CPA5: variants seen among roughly 807,000 people sequenced by gnomAD.
CPA5 encodes the protein testicular tissue protein Li 32.
A neutral mutation model predicts 52.2 loss-of-function variants in CPA5; 38 were observed. The observed-to-expected ratio is 0.73, with a 90% CI of 0.56 to 0.95. The LOEUF is 0.95. Ranked by LOEUF, CPA5 falls within the 40% of genes least tolerant of loss-of-function variation. CPA5 has a pLI of 0.00. For missense variants in CPA5, 519 were observed against 566.7 expected, an observed-to-expected ratio of 0.92 and a Z score of 0.86; for synonymous variants, 198 against 213.7, an observed-to-expected ratio of 0.93 and a Z score of 0.64.
chr7:130,357,052 G>A (rs922918205), intron 5 of CPA5, among the ~76,000 whole-genome samples: 1 of 152,164 alleles, frequency 6.6e-6, no homozygotes, highest in Admixed American at 6.5e-5. Context: ...GGGCTCCTCC[G>A]GCCACATCTA....
intron 5 of CPA5, among the ~76,000 whole-genome samples, chr7:130,356,482 C>A (rs187607466): frequency 2.6e-5 from 4 of 152,346 alleles, no homozygotes; most frequent in South Asian, 4.1e-4. Flanking sequence ...CGTCACCCAT[C>A]CCCTTCCCCC....
At chr7:130,357,963 T>C (rs1052354088) in intron 5 of CPA5, among the ~76,000 whole-genome samples, 36 of 104,244 alleles carry the variant, frequency 3.5e-4, no homozygotes, top group African/African-American at 1.5e-3. Flanking sequence ...TGTGTGTGTG[T>C]GTGTGTGTGT....
intron 1 of CPA5, chr7:130,345,569 T>C (rs1794683666): frequency 6.6e-6 from 1 of 152,288 alleles, no homozygotes; most frequent in South Asian, 2.1e-4. Flanking sequence ...TTGACTCTGC[T>C]GTCTGTTGAG....
downstream of CPA5, among the ~76,000 whole-genome samples, chr7:130,369,739 C>G (rs1409709787): frequency 2.0e-5 from 3 of 151,916 alleles, no homozygotes; most frequent in Non-Finnish European, 4.4e-5. Flanking sequence ...CTGGAGGGCA[C>G]GGAGACAGGG....
intron 4 of CPA5, 51 bp from the exon 5 acceptor site, chr7:130,349,924 T>C (rs782797258): frequency 1.9e-6 from 3 of 1,577,100 alleles, no homozygotes; most frequent in East Asian, 2.3e-5. Flanking sequence ...TACAGGATTG[T>C]GTGGAAGGAC....
chr7:130,345,643 A>T (rs1554401949), intron 1 of CPA5, 196 bp from the exon 2 acceptor site: 1 of 152,250 alleles, frequency 6.6e-6, no homozygotes, highest in African/African-American at 2.4e-5. Context: ...GTGCTAGCAC[A>T]ATGATGACCA....
At position 130,359,625 on chromosome 7, in the gene CPA5, TC is replaced by T. The variant is rs782665768; in HGVS notation, c.373del (p.Arg125AlafsTer29). On this transcript the variant is annotated frameshift_variant, in exon 6 of 13. Coordinates refer to ENST00000474905, the MANE Select transcript of CPA5 (RefSeq NM_080385.5). LOFTEE classifies it high-confidence loss of function. Reference sequence around the variant, plus strand: ...TGAGGAAAGACAGGCCATGGCGAAATCCCGCCGGCTGGAGCGCAGCACCAAC... The same window carrying T: ...TGAGGAAAGACAGGCCATGGCGAAATCCGCCGGCTGGAGCGCAGCACCAAC... Reference protein sequence around the residue: ...LDEERQAMAKSRRLERSTNSF... With the variant: ...LDEERQAMAKXRRLERSTNSF... 5 of 1,578,718 alleles carry T rather than the reference TC, an allele frequency of 3.2e-6. No individual in the cohort carries two copies. The highest frequency in any genetic ancestry group is 4.3e-6 in the Non-Finnish European group (5 of 1,162,008).
At chr7:130,346,229 G>A (rs1794727698) in intron 2 of CPA5, among the ~76,000 whole-genome samples, 164 bp from the exon 3 acceptor site, 1 of 142,864 alleles carries the variant, frequency 7.0e-6, no homozygotes. Context: ...CAAACCTCCT[G>A]AGAGAAAAGA....
At chr7:130,360,399 T>C (rs1554406296) in intron 6 of CPA5, among the ~76,000 whole-genome samples, 1 of 152,230 alleles carries the variant, frequency 6.6e-6, no homozygotes, top group African/African-American at 2.4e-5. Context: ...AGAAAGTTCA[T>C]GACCACAGTT....
rs782052904 is a variant in CPA5 at position 130,359,699 on chromosome 7, C to A, written c.432+12C>A. On this transcript the variant is annotated intron_variant, in intron 6 of 12. Transcript: ENST00000474905. ...ACACCCTGGAGGAGGTAGGTCTGGC[C>A]GGGCAAGCTCTGGGCTCTCTTGTGT... is the stretch of plus-strand genomic sequence containing the variant. 1 of 1,561,596 alleles carries A rather than the reference C, an allele frequency of 6.4e-7. No individual in the cohort carries two copies. Among genetic ancestry groups the A allele is most frequent in the East Asian group, 2.3e-5 (1 of 43,092 alleles).
At chr7:130,362,366 C>G in intron 7 of CPA5, 72 bp from the exon 8 acceptor site, 1 of 1,130,084 alleles carries the variant, frequency 8.8e-7, no homozygotes, top group South Asian at 1.4e-5. Flanking sequence ...TCAGGGACCT[C>G]CTTCCAGGTA....
At chr7:130,361,328 C>A in intron 7 of CPA5, 84 bp downstream of exon 7, 1 of 981,176 alleles carries the variant, frequency 1.0e-6, no homozygotes, top group Non-Finnish European at 1.6e-6. Context: ...AGTGGCTGGG[C>A]GGGAGTTTTG....
intron 11 of CPA5, 139 bp from the exon 12 acceptor site, chr7:130,367,767 T>C: frequency 1.2e-6 from 1 of 856,568 alleles, no homozygotes; most frequent in Non-Finnish European, 1.9e-6. Context: ...AATGCTGTGC[T>C]CCCTTCTCAC....
intron 5 of CPA5, among the ~76,000 whole-genome samples, chr7:130,353,452 G>A (rs781921264): frequency 3.9e-4 from 59 of 152,098 alleles, no homozygotes; most frequent in Non-Finnish European, 7.4e-4. Flanking sequence ...GGATCCAACC[G>A]CCTACTCAGT....
chr7:130,368,105 A>T, intron 12 of CPA5, 115 bp downstream of exon 12: 1 of 973,412 alleles, frequency 1.0e-6, no homozygotes, highest in Non-Finnish European at 1.6e-6. Flanking sequence ...CACTGGATAG[A>T]AGGGTGAACA....
chr7:130,367,661 C>G, intron 11 of CPA5, 90 bp downstream of exon 11: 3 of 1,304,034 alleles, frequency 2.3e-6, no homozygotes, highest in Non-Finnish European at 3.3e-6. Flanking sequence ...CAGGTTGTTA[C>G]TCTGAATGCA....
At chr7:130,361,316 G>T in intron 7 of CPA5, 72 bp downstream of exon 7, 1 of 1,068,472 alleles carries the variant, frequency 9.4e-7, no homozygotes. Context: ...CTCATATGGG[G>T]TAGTGGCTGG....
rs1554409370 is a variant in CPA5 at position 130,368,579 on chromosome 7, C to G, written c.1293C>G (p.Thr431=). 1.2e-6 allele frequency: 2 copies of G among 1,613,918 alleles called. No homozygotes were observed. Among genetic ancestry groups the G allele is most frequent in the African/African-American group, 1.3e-5 (1 of 74,854 alleles). ...WMALRTIMEH[T]LNHPY ...CGCTTCGGACCATCATGGAGCACAC[C>G]CTGAATCACCCCTACTAGCAGCACG... The change falls in exon 13 of 13, where the codon ACC becomes ACG. Residue 431 remains threonine, a synonymous_variant. Transcript: ENST00000474905.
At chr7:130,347,894 G>T in intron 4 of CPA5, 47 bp downstream of exon 4, 1 of 1,477,522 alleles carries the variant, frequency 6.8e-7, no homozygotes, top group East Asian at 2.3e-5. Context: ...CTCCTCAGTG[G>T]CTCACACATT....
Sources: gnomAD v4.1 joint callset for allele counts (sites outside exome capture counted in the v4.1 genomes callset) on GRCh38, gnomAD v4.1.1 for gene constraint, MANE v1.5 for transcripts, NCBI Gene and HGNC (gene_info 2026-07-23, HGNC 2026-07-21) for gene names.